The following ANKFN1 variants were observed in gnomAD, a reference collection of about 807,000 sequenced individuals.
The protein encoded by ANKFN1 is ankyrin repeat and fibronectin type-III domain-containing protein 1.
In ANKFN1, 74 loss-of-function variants were observed where a neutral mutation model predicts 108.7. That is an observed-to-expected ratio of 0.68 (90% CI 0.56 to 0.83). The LOEUF (loss-of-function observed/expected upper bound fraction) is 0.83, where lower values mean the gene tolerates loss of function less well. Among genes scored for constraint, ANKFN1 ranks in the 40% least tolerant of loss-of-function variants. The pLI, the probability that ANKFN1 is intolerant of heterozygous loss-of-function variation, is 0.00. For synonymous variants in ANKFN1, 547 were observed against 516.2 expected (o/e 1.06, Z -0.81); for missense variants, 1,505 against 1,382.3 (o/e 1.09, Z -1.41).
intron 14 of ANKFN1, among the ~76,000 whole-genome samples, chr17:56,465,809 A>G (rs2050053536): frequency 2.0e-5 from 3 of 152,226 alleles, no homozygotes; most frequent in Non-Finnish European, 2.9e-5. Flanking sequence ...TGAAATGCAG[A>G]TAAGTCGAAT....
In ANKFN1 at chr17:56,091,688, G is replaced by A. The variant is rs146316302; in HGVS notation, c.288+45363G>A. On this transcript the variant is annotated intron_variant, in intron 4 of 12. Transcript: ENST00000635860. ...CAGCTCATTTTTCCACACTGATAAC[G>A]TTCAGATTTGAATTATTTCAATCAA... is the stretch of plus-strand genomic sequence containing the variant. 5.5e-3 allele frequency among the ~76,000 whole-genome samples: 833 copies of A among 151,460 alleles called. 37 individuals carry two copies. The highest frequency in any genetic ancestry group is 0.019 in the African/African-American group (795 of 41,322).
At chr17:56,429,744 G>T (rs1164459106) in intron 8 of ANKFN1, among the ~76,000 whole-genome samples, 1 of 152,158 alleles carries the variant, frequency 6.6e-6, no homozygotes, top group African/African-American at 2.4e-5. Flanking sequence ...TCATTGGATT[G>T]GTGGGGGTAT....
Position 56,389,540 on chromosome 17 carries a change from TCTC to T in ANKFN1, c.910+14829_910+14831del, listed in dbSNP as rs572244277. On this transcript the variant is annotated intron_variant, in intron 8 of 20. Coordinates refer to ENST00000682825, the MANE Select transcript of ANKFN1 (RefSeq NM_001370326.1). ...CTCTTGATTCAAGTTCTAAGTCACT[TCTC>T]CTTTTTATTCAGCTGTATGCTCAGT... Among the ~76,000 whole-genome samples, 344 of 152,282 alleles carry T rather than the reference TCTC, an allele frequency of 2.3e-3. 1 individual carries two copies. The highest frequency in any genetic ancestry group is 3.1e-3 in the Non-Finnish European group (208 of 68,016).
chr17:56,378,307 CATTT>C (rs2046997343), intron 8 of ANKFN1, among the ~76,000 whole-genome samples: 1 of 152,102 alleles, frequency 6.6e-6, no homozygotes, highest in Non-Finnish European at 1.5e-5. Context: ...CAGGGTCGAT[CATTT>C]ATAATAATAA....
intron 8 of ANKFN1, among the ~76,000 whole-genome samples, chr17:56,423,516 A>G (rs974020223): frequency 6.6e-6 from 1 of 152,198 alleles, no homozygotes; most frequent in Non-Finnish European, 1.5e-5. Flanking sequence ...CATTGCGTAC[A>G]AGGCCTTCCG....
In ANKFN1 at chr17:56,227,906, C is replaced by G. The variant is rs1377884140; in HGVS notation, c.13-11C>G. 1 of 1,566,672 alleles carries G rather than the reference C, an allele frequency of 6.4e-7. No individual in the cohort carries two copies. The highest frequency in any genetic ancestry group is 1.4e-5 in the African/African-American group (1 of 71,022). ...ATTTTTTAACATTCTTTTTTTCTTT[C>G]TTTGTTTCAGAGGCTACTCTTTAAA... On this transcript the variant is annotated splice_polypyrimidine_tract_variant and intron_variant, in intron 2 of 20. Coordinates refer to ENST00000682825, the MANE Select transcript of ANKFN1 (RefSeq NM_001370326.1).
Position 56,098,869 on chromosome 17 carries a change from A to ATG in ANKFN1, c.288+52558_288+52559dup, listed in dbSNP as rs113050013. Among the ~76,000 whole-genome samples, 37 of 150,860 alleles carry ATG rather than the reference A, an allele frequency of 2.5e-4. No individual in the cohort carries two copies. In the East Asian group the frequency reaches 4.5e-3, roughly 18 times the overall value. On this transcript the variant is annotated intron_variant, in intron 4 of 12. Transcript: ENST00000635860. Reference sequence around the variant, plus strand: ...GAGGGGTGTGTGTGTGCGTGTGTGCATGTGTGTGTGTGTGTTGGGTGCTAG... The same window carrying ATG: ...GAGGGGTGTGTGTGTGCGTGTGTGCATGTGTGTGTGTGTGTGTTGGGTGCTAG...
At chr17:56,370,484 A>C (rs1468838189) in intron 6 of ANKFN1, among the ~76,000 whole-genome samples, 1 of 152,240 alleles carries the variant, frequency 6.6e-6, no homozygotes, top group African/African-American at 2.4e-5. Flanking sequence ...TTTATAAATC[A>C]TGTGTCTGTC....
chr17:56,261,889 T>A (rs2043519911), intron 3 of ANKFN1, among the ~76,000 whole-genome samples: 1 of 152,120 alleles, frequency 6.6e-6, no homozygotes. Flanking sequence ...TCCAATCAAG[T>A]TGACACTCAA....
chr17:56,476,271 A>C (rs1186151886), intron 15 of ANKFN1, among the ~76,000 whole-genome samples: 1 of 152,216 alleles, frequency 6.6e-6, no homozygotes, highest in East Asian at 1.9e-4. Context: ...CAAATGTAAA[A>C]GTTTTACCTA....
At chr17:56,083,119 A>G (rs1323370106) in intron 4 of ANKFN1, among the ~76,000 whole-genome samples, 1 of 151,494 alleles carries the variant, frequency 6.6e-6, no homozygotes, top group Non-Finnish European at 1.5e-5. Context: ...CTGAAATCAC[A>G]TATGCAAATG....
chr17:56,354,337 T>C (rs921450283), intron 6 of ANKFN1, among the ~76,000 whole-genome samples: 8 of 152,222 alleles, frequency 5.3e-5, no homozygotes, highest in Non-Finnish European at 8.8e-5. Flanking sequence ...CAAGTGAGGA[T>C]ATAGAATAGG....
Position 56,350,810 on chromosome 17 carries a change from T to G in ANKFN1, c.233T>G (p.Leu78Arg). The G allele has an allele frequency of 6.2e-7, 1 of 1,613,784 alleles. No individual in the cohort carries two copies. Among genetic ancestry groups the G allele is most frequent in the South Asian group, 1.1e-5 (1 of 91,080 alleles). Residue 78 changes from leucine (L) to arginine (R), a missense_variant, in exon 5 of 21, where the codon CTC becomes CGC. Physicochemically the swap from Leu to Arg is moderately radical, Grantham distance 102. Transcript: ENST00000682825. ...ACGCAACAAATGCAAAATTTACATC[T>G]CTGTCAGTCAAAAAAACATAGTGCT... ...KMTQQMQNLHLCQSKKHSAPS... is the reference protein window; with the variant it reads ...KMTQQMQNLHRCQSKKHSAPS...
At chr17:56,421,214 G>A (rs193008179) in intron 8 of ANKFN1, among the ~76,000 whole-genome samples, 81 of 152,300 alleles carry the variant, frequency 5.3e-4, no homozygotes, top group African/African-American at 1.9e-3. Flanking sequence ...TTTTGATGAT[G>A]GAAGAAGGCT....
chr17:56,287,560 A>G (rs1375004283), intron 3 of ANKFN1, among the ~76,000 whole-genome samples: 1 of 152,226 alleles, frequency 6.6e-6, no homozygotes, highest in Admixed American at 6.5e-5. Flanking sequence ...CACTACATTT[A>G]GAGCCAGGCT....
chr17:56,150,399 T>C (rs1908527135), upstream of ANKFN1, among the ~76,000 whole-genome samples: 1 of 152,278 alleles, frequency 6.6e-6, no homozygotes, highest in Non-Finnish European at 1.5e-5. Flanking sequence ...CCTTTAGACG[T>C]AGCATTCGGT....
chr17:56,299,907 C>T (rs189154917), intron 3 of ANKFN1, among the ~76,000 whole-genome samples: 146 of 152,296 alleles, frequency 9.6e-4, no homozygotes, highest in African/African-American at 3.4e-3. Context: ...TAAATTTATA[C>T]ACACCCCTCT....
At chr17:56,156,646 G>A (rs1421358345) in intron 1 of ANKFN1, 1 of 152,226 alleles carries the variant, frequency 6.6e-6, no homozygotes, top group African/African-American at 2.4e-5. Context: ...AAAGGAAGGA[G>A]TAAGGTGACT....
intron 3 of ANKFN1, among the ~76,000 whole-genome samples, chr17:56,290,048 A>G (rs1266002189): frequency 6.6e-6 from 1 of 152,178 alleles, no homozygotes; most frequent in Non-Finnish European, 1.5e-5. Context: ...CTCCCAGATC[A>G]TTACATCTTT....
Sources: allele counts gnomAD v4.1 joint callset (sites outside exome capture counted in the v4.1 genomes callset), GRCh38; gene constraint gnomAD v4.1.1; transcripts MANE v1.5; gene names NCBI Gene and HGNC (gene_info 2026-07-23, HGNC 2026-07-21).